Variants in PLEKHA5 observed in about 807,000 individuals in gnomAD.
PLEKHA5 encodes pleckstrin homology domain containing A5.
In PLEKHA5, 55 loss-of-function variants were observed where a neutral mutation model predicts 181.9. The ratio of observed to expected loss-of-function variants is 0.30; its 90% CI spans 0.24 to 0.38. The LOEUF (loss-of-function observed/expected upper bound fraction) is 0.38, where lower values mean the gene tolerates loss of function less well. Ranked by LOEUF, PLEKHA5 falls within the 10% of genes least tolerant of loss-of-function variation. PLEKHA5 has a pLI of 1.00. For synonymous variants in PLEKHA5, 535 were observed against 529.4 expected (o/e 1.01, Z -0.15); for missense variants, 1,432 against 1,549.5 (o/e 0.92, Z 1.27).
At chr12:19,307,096 A>T in intron 15 of PLEKHA5, 1 of 1,091,716 alleles carries the variant, frequency 9.2e-7, no homozygotes. Context: ...GCTGAAGCTT[A>T]TGAGCACTGT....
At chr12:19,265,577 A>T (rs1338861201) in intron 7 of PLEKHA5, among the ~76,000 whole-genome samples, 173 bp from the exon 8 acceptor site, 2 of 152,210 alleles carry the variant, frequency 1.3e-5, no homozygotes, top group African/African-American at 4.8e-5. Context: ...ATACCAAAGT[A>T]TAAATTCTTG....
chr12:19,270,290 G>A, intron 10 of PLEKHA5, 85 bp downstream of exon 10: 2 of 670,032 alleles, frequency 3.0e-6, no homozygotes, highest in Non-Finnish European at 4.6e-6. Flanking sequence ...AATCTTAGAA[G>A]AGAGTTTATT....
chr12:19,360,899 G>T (rs1443224049), intron 28 of PLEKHA5, among the ~76,000 whole-genome samples: 2 of 151,900 alleles, frequency 1.3e-5, no homozygotes, highest in Non-Finnish European at 2.9e-5. Context: ...AGGATTACAG[G>T]CATGTGCCAC....
At chr12:19,366,738 T>C (rs2095433936) in intron 30 of PLEKHA5, among the ~76,000 whole-genome samples, 1 of 152,174 alleles carries the variant, frequency 6.6e-6, no homozygotes, top group Admixed American at 6.6e-5. Flanking sequence ...GCCTGCCACA[T>C]TGGGAACTGT....
intron 3 of PLEKHA5, among the ~76,000 whole-genome samples, chr12:19,137,845 G>A (rs1294509044): frequency 2.0e-5 from 3 of 152,116 alleles, no homozygotes; most frequent in Non-Finnish European, 4.4e-5. Context: ...TAAAGAAGTG[G>A]TATCTGTGAT....
At chr12:19,168,141 G>A (rs1311520804) in intron 3 of PLEKHA5, among the ~76,000 whole-genome samples, 1 of 152,052 alleles carries the variant, frequency 6.6e-6, no homozygotes, top group Non-Finnish European at 1.5e-5. Flanking sequence ...TAAAGTCATG[G>A]GTTTTAAATA....
At chr12:19,260,896 T>G (rs111454675) in intron 6 of PLEKHA5, 53 bp from the exon 7 acceptor site, 3 of 989,262 alleles carry the variant, frequency 3.0e-6, no homozygotes, top group Non-Finnish European at 4.6e-6. Flanking sequence ...TAAATGCACA[T>G]GTGAGTTTTT....
At chr12:19,280,519 C>G (rs1209142130) in intron 11 of PLEKHA5, among the ~76,000 whole-genome samples, 1 of 152,020 alleles carries the variant, frequency 6.6e-6, no homozygotes, top group East Asian at 1.9e-4. Flanking sequence ...ACCAATATCT[C>G]TGACATTTTC....
At chr12:19,133,161 A>G (rs760591860) in intron 3 of PLEKHA5, among the ~76,000 whole-genome samples, 39 of 152,012 alleles carry the variant, frequency 2.6e-4, no homozygotes, top group Non-Finnish European at 5.2e-4. Context: ...TGTTTGTTTA[A>G]AAAAGGCTTT....
chr12:19,287,863 G>C (rs1214702610), intron 13 of PLEKHA5, among the ~76,000 whole-genome samples: 1 of 152,116 alleles, frequency 6.6e-6, no homozygotes, highest in African/African-American at 2.4e-5. Context: ...CGGATCGCTT[G>C]AGGTCAGGAG....
chr12:19,353,867 G>A lies in PLEKHA5; in HGVS notation c.3020-17G>A. ...TAAAAGATGTTTTGTAAAACTTACT[G>A]CTGTTTTAATTTTTAGGTTCCCACT... On this transcript the variant is annotated splice_polypyrimidine_tract_variant and intron_variant, in intron 25 of 31. Transcript: ENST00000429027. The A allele has an allele frequency of 9.1e-7, 1 of 1,099,386 alleles. No individual in the cohort carries two copies. Among genetic ancestry groups the A allele is most frequent in the South Asian group, 1.3e-5 (1 of 79,372 alleles). The allele number at this position is 1,099,386 out of a possible 1,614,324, so 68.1% of individuals were successfully genotyped here. A position where few individuals can be genotyped will look rare whatever the true frequency, so the allele number is the denominator to read the frequency against.
intron 12 of PLEKHA5, among the ~76,000 whole-genome samples, chr12:19,285,544 CTA>C (rs764039737): frequency 3.9e-5 from 6 of 152,174 alleles, no homozygotes; most frequent in Non-Finnish European, 1.5e-5. Context: ...GGAGTCAAAA[CTA>C]TTTTTATGAT....
chr12:19,339,667 A>C (rs537466904), intron 21 of PLEKHA5, among the ~76,000 whole-genome samples: 87 of 152,280 alleles, frequency 5.7e-4, no homozygotes, highest in African/African-American at 2.1e-3. Flanking sequence ...GTATAATAAA[A>C]ACCACAAGTA....
chr12:19,350,909 A>G (rs1592595929), intron 25 of PLEKHA5, among the ~76,000 whole-genome samples: 1 of 149,996 alleles, frequency 6.7e-6, no homozygotes, highest in Non-Finnish European at 1.5e-5. Flanking sequence ...TTTAATATTT[A>G]TACACCTTTT....
At chr12:19,168,968 C>G (rs10841165) in intron 3 of PLEKHA5, among the ~76,000 whole-genome samples, 136,631 of 152,172 alleles carry the variant, frequency 0.9, 61,956 homozygotes, top group Non-Finnish European at 0.97. Context: ...AGCTTAATCA[C>G]CTGCCATGCA....
intron 3 of PLEKHA5, among the ~76,000 whole-genome samples, chr12:19,212,835 GTTT>G (rs11290352): frequency 8.7e-5 from 12 of 138,094 alleles, no homozygotes; most frequent in Non-Finnish European, 1.2e-4. Context: ...TTTTTTTGTT[GTTT>G]TTTTTTTTTT....
At chr12:19,167,760 A>G (rs1304481633) in intron 3 of PLEKHA5, among the ~76,000 whole-genome samples, 1 of 152,080 alleles carries the variant, frequency 6.6e-6, no homozygotes, top group Non-Finnish European at 1.5e-5. Flanking sequence ...AATAAACATA[A>G]AATTACAACT....
intron 3 of PLEKHA5, among the ~76,000 whole-genome samples, chr12:19,231,946 G>T (rs1231375225): frequency 6.6e-6 from 1 of 151,862 alleles, no homozygotes; most frequent in South Asian, 2.1e-4. Flanking sequence ...AGCACCCAAA[G>T]ATAGAGTTTA....
chr12:19,320,114 T>C (rs1466937809), intron 17 of PLEKHA5, 58 bp downstream of exon 17: 4 of 651,798 alleles, frequency 6.1e-6, no homozygotes, highest in Non-Finnish European at 9.8e-6. Flanking sequence ...TTTGTTAAGA[T>C]GTGTTGACAT....
Sources: gnomAD v4.1 joint callset for allele counts (sites outside exome capture counted in the v4.1 genomes callset) on GRCh38, gnomAD v4.1.1 for gene constraint, MANE v1.5 for transcripts, NCBI Gene and HGNC (gene_info 2026-07-23, HGNC 2026-07-21) for gene names.